Variants in TENM3 observed in about 807,000 individuals in gnomAD.
The protein encoded by TENM3 is teneurin transmembrane protein 3, also known as teneurin-3.
TENM3 carries 63 observed loss-of-function variants against 255.1 expected under a neutral mutation model. The ratio of observed to expected loss-of-function variants is 0.25; its 90% CI spans 0.20 to 0.30. The LOEUF is 0.30. TENM3 is among the 10% of genes least tolerant of loss of function. The pLI is 1.00. For synonymous variants in TENM3, 1,306 were observed against 1,322.3 expected, an observed-to-expected ratio of 0.99 and a Z score of 0.27; for missense variants, 2,929 against 3,461.1, an observed-to-expected ratio of 0.85 and a Z score of 3.86.
At chr4:181,729,626 T>C in the TENM3 span, among the ~76,000 whole-genome samples, 6 of 152,204 alleles carry the variant, frequency 3.9e-5, no homozygotes, top group Admixed American at 3.3e-4. Context: ...ATGTTAAACA[T>C]AGGACGTAAG....
chr4:181,620,790 A>G, the TENM3 span, among the ~76,000 whole-genome samples: 1 of 152,152 alleles, frequency 6.6e-6, no homozygotes, highest in South Asian at 2.1e-4. Flanking sequence ...AAAAATAAGG[A>G]ATGTGTGCCT....
chr4:181,486,938 T>G, the TENM3 span, among the ~76,000 whole-genome samples: 1 of 152,324 alleles, frequency 6.6e-6, no homozygotes, highest in South Asian at 2.1e-4. Context: ...AAATGTATAC[T>G]TGAGATATGT....
intron 3 of TENM3, among the ~76,000 whole-genome samples, chr4:182,499,040 A>G (rs1419031133): frequency 6.6e-6 from 1 of 152,186 alleles, no homozygotes; most frequent in Admixed American, 6.5e-5. Flanking sequence ...GCTCAGTAGT[A>G]TAATTCTGGT....
the TENM3 span, among the ~76,000 whole-genome samples, chr4:181,586,465 G>C: frequency 6.6e-6 from 1 of 152,078 alleles, no homozygotes; most frequent in Non-Finnish European, 1.5e-5. Context: ...AAGAGACGAC[G>C]ACCAGGCAAT....
At chr4:182,496,381 T>G (rs1735774370) in intron 3 of TENM3, among the ~76,000 whole-genome samples, 1 of 151,634 alleles carries the variant, frequency 6.6e-6, no homozygotes, top group South Asian at 2.1e-4. Flanking sequence ...GCATACATTT[T>G]CCTGAGAGGA....
At chr4:182,297,533 A>G (rs1201276723) in intron 1 of TENM3, among the ~76,000 whole-genome samples, 1 of 152,130 alleles carries the variant, frequency 6.6e-6, no homozygotes, top group African/African-American at 2.4e-5. Flanking sequence ...TACTTCTTGG[A>G]TGGAAGACTA....
At chr4:182,244,200 G>T (rs971883378) in intron 1 of TENM3, among the ~76,000 whole-genome samples, 2 of 151,796 alleles carry the variant, frequency 1.3e-5, no homozygotes, top group African/African-American at 4.8e-5. Flanking sequence ...TGATCCGCCC[G>T]CCTCGGCCTC....
At chr4:181,944,103 C>T in the TENM3 span, among the ~76,000 whole-genome samples, 1 of 152,100 alleles carries the variant, frequency 6.6e-6, no homozygotes, top group Non-Finnish European at 1.5e-5. Context: ...GAGAATAGAA[C>T]CCAGTAGGAT....
chr4:182,521,743 A>C (rs375767440), intron 3 of TENM3, among the ~76,000 whole-genome samples: 31 of 152,328 alleles, frequency 2.0e-4, no homozygotes, highest in African/African-American at 7.2e-4. Context: ...CCTCAGTAGG[A>C]TATTTTTAAA....
At chr4:181,856,432 C>T in the TENM3 span, among the ~76,000 whole-genome samples, 1 of 152,146 alleles carries the variant, frequency 6.6e-6, no homozygotes, top group Non-Finnish European at 1.5e-5. Flanking sequence ...TCCCAGTCAA[C>T]CCATTTGAGA....
chr4:182,406,983 T>C (rs1348048093), intron 3 of TENM3, among the ~76,000 whole-genome samples: 2 of 152,196 alleles, frequency 1.3e-5, no homozygotes, highest in African/African-American at 4.8e-5. Context: ...ATGCTAACCT[T>C]ACGTCCAGAA....
At chr4:182,684,608 A>G (rs187927376) in intron 11 of TENM3, among the ~76,000 whole-genome samples, 4 of 152,278 alleles carry the variant, frequency 2.6e-5, no homozygotes, top group Admixed American at 2.0e-4. Context: ...AAAAGCACTT[A>G]GAATAGCACC....
At chr4:182,726,062 G>A (rs1465791714) in intron 13 of TENM3, among the ~76,000 whole-genome samples, 5 of 152,242 alleles carry the variant, frequency 3.3e-5, no homozygotes, top group Admixed American at 6.5e-5. Flanking sequence ...TAAGGAAACC[G>A]TGTGTAATCA....
At position 182,789,249 on chromosome 4, in the gene TENM3, G is replaced by A. The variant is rs1395375805; in HGVS notation, c.5461G>A (p.Val1821Ile). ...LPSSKLMAVN[V>I]TYSSTGQIAS... ...AAGCAGCAAGCTGATGGCCGTCAATGTCACCTATTCATCCACAGGTCAAAT... is the reference window on the plus strand; with the variant it reads ...AAGCAGCAAGCTGATGGCCGTCAATATCACCTATTCATCCACAGGTCAAAT... Residue 1821 changes from valine to isoleucine, a missense_variant, in exon 25 of 28, where the codon GTC becomes ATC. This residue lies in a region of TENM3 where 303 missense variants were observed against 425.2 expected (regional missense o/e 0.71). Transcript: ENST00000511685. The surrounding 1 kb of genome is among the most constrained non-coding windows in gnomAD (Gnocchi z 4.4). 1.2e-6 allele frequency: 2 copies of A among 1,613,792 alleles called. No individual in the cohort carries two copies. Among genetic ancestry groups the A allele is most frequent in the Admixed American group, 1.7e-5 (1 of 59,998 alleles).
At chr4:181,739,901 C>T in the TENM3 span, among the ~76,000 whole-genome samples, 1 of 152,136 alleles carries the variant, frequency 6.6e-6, no homozygotes, top group African/African-American at 2.4e-5. Flanking sequence ...AATTACAGTA[C>T]GCAAAAATCA....
intron 12 of TENM3, among the ~76,000 whole-genome samples, chr4:182,695,712 A>G (rs1223075124): frequency 6.6e-6 from 1 of 152,216 alleles, no homozygotes; most frequent in Non-Finnish European, 1.5e-5. Context: ...GAGGAGAAGT[A>G]AGGTTTGAAA....
At chr4:181,549,478 G>C in the TENM3 span, among the ~76,000 whole-genome samples, 1 of 152,336 alleles carries the variant, frequency 6.6e-6, no homozygotes, top group Non-Finnish European at 1.5e-5. Flanking sequence ...GAAGCCACCA[G>C]CCTCTCTCCA....
At chr4:182,364,028 T>C (rs1309617445) in intron 3 of TENM3, among the ~76,000 whole-genome samples, 2 of 152,076 alleles carry the variant, frequency 1.3e-5, no homozygotes, top group Non-Finnish European at 2.9e-5. Flanking sequence ...GTACAAAATA[T>C]GCCTATAGGT....
chr4:182,016,427 G>T, the TENM3 span, among the ~76,000 whole-genome samples: 2 of 152,170 alleles, frequency 1.3e-5, no homozygotes, highest in East Asian at 3.9e-4. Flanking sequence ...GATGGTATTT[G>T]TTAAGGCAGG....
Sources: allele counts gnomAD v4.1 joint callset (sites outside exome capture counted in the v4.1 genomes callset), GRCh38; gene constraint gnomAD v4.1.1; regional missense constraint gnomAD v4.1.1; non-coding constraint Gnocchi (gnomAD v3.1); transcripts MANE v1.5; gene names NCBI Gene and HGNC (gene_info 2026-07-23, HGNC 2026-07-21).